The following DNAH5 variants were observed in gnomAD, a reference collection of about 807,000 sequenced individuals.
DNAH5 encodes axonemal beta dynein heavy chain 5.
Under a neutral mutation model 518.2 loss-of-function variants are expected in DNAH5, and 372 were observed. That is an observed-to-expected ratio of 0.72 (90% CI 0.66 to 0.78). DNAH5 has a LOEUF of 0.78. DNAH5 is among the 30% of genes least tolerant of loss of function. DNAH5 has a pLI of 0.00. For missense variants in DNAH5, 5,523 were observed against 5,687.0 expected (o/e 0.97, Z 0.93); for synonymous variants, 2,039 against 2,025.9 (o/e 1.01, Z -0.17).
chr5:13,829,321 AATTT>A (rs1763320534), intron 38 of DNAH5, among the ~76,000 whole-genome samples, 185 bp downstream of exon 38: 1 of 144,678 alleles, frequency 6.9e-6, no homozygotes, highest in Non-Finnish European at 1.5e-5. Context: ...TGTAAATATT[AATTT>A]ATTTAAATGT....
intron 1 of DNAH5, among the ~76,000 whole-genome samples, chr5:13,940,422 T>C (rs925818618): frequency 1.6e-4 from 24 of 152,144 alleles, no homozygotes; most frequent in Admixed American, 1.6e-3. Flanking sequence ...TATATATATA[T>C]AATATGTCAC....
intron 29 of DNAH5, 88 bp downstream of exon 29, chr5:13,862,460 G>C: frequency 8.0e-7 from 1 of 1,242,950 alleles, no homozygotes; most frequent in Non-Finnish European, 1.2e-6. Flanking sequence ...CTATATGAAG[G>C]CTATTATTGT....
At chr5:13,736,913 A>T (rs1423660775) in intron 66 of DNAH5, among the ~76,000 whole-genome samples, 1 of 152,122 alleles carries the variant, frequency 6.6e-6, no homozygotes, top group Non-Finnish European at 1.5e-5. Context: ...GTGTTACCAA[A>T]CGATAAATAA....
At chr5:13,935,122 A>C (rs114102972) in intron 1 of DNAH5, among the ~76,000 whole-genome samples, 8,506 of 152,236 alleles carry the variant, frequency 0.056, 358 homozygotes, top group African/African-American at 0.11. Flanking sequence ...TAAAAATAAA[A>C]GAAGTAGACA....
chr5:13,953,047 T>C (rs1354446330), intron 1 of DNAH5, among the ~76,000 whole-genome samples: 1 of 152,244 alleles, frequency 6.6e-6, no homozygotes, highest in Non-Finnish European at 1.5e-5. Flanking sequence ...AGAGCAAAAT[T>C]GCTATTAATA....
chr5:13,780,738 T>C (rs1431468921), intron 53 of DNAH5, 91 bp downstream of exon 53: 3 of 1,390,648 alleles, frequency 2.2e-6, no homozygotes, highest in Non-Finnish European at 3.1e-6. Context: ...TGACTCTTTA[T>C]ATGTAAGAGA....
chr5:13,937,428 C>T (rs1337515442), intron 1 of DNAH5, among the ~76,000 whole-genome samples: 2 of 150,900 alleles, frequency 1.3e-5, no homozygotes, highest in African/African-American at 2.4e-5. Flanking sequence ...GTTCTCACTG[C>T]ACTCCTGTGT....
At chr5:13,795,463 A>G (rs1413625398) in intron 47 of DNAH5, among the ~76,000 whole-genome samples, 1 of 152,228 alleles carries the variant, frequency 6.6e-6, no homozygotes, top group East Asian at 1.9e-4. Context: ...AAATGGATAA[A>G]TTCCTGGACA....
chr5:13,713,464 TATACAC>T (rs1331283443), intron 75 of DNAH5, among the ~76,000 whole-genome samples: 16 of 118,736 alleles, frequency 1.3e-4, no homozygotes, highest in African/African-American at 5.9e-4. Flanking sequence ...TATATATATA[TATACAC>T]ACACCGATAT....
intron 75 of DNAH5, 58 bp from the exon 76 acceptor site, chr5:13,708,393 C>T (rs1251500324): frequency 3.2e-6 from 5 of 1,563,412 alleles, no homozygotes; most frequent in African/African-American, 2.7e-5. Flanking sequence ...ATTTTATAGA[C>T]CTGGTGCCCT....
At chr5:14,004,222 G>T (rs1305775368) in intron 1 of DNAH5, among the ~76,000 whole-genome samples, 2 of 152,178 alleles carry the variant, frequency 1.3e-5, no homozygotes, top group Non-Finnish European at 2.9e-5. Context: ...TGGCCCAGCT[G>T]TTCCTTATCT....
At position 13,859,613 on chromosome 5, in the gene DNAH5, A is replaced by C. The variant is rs1363577204; in HGVS notation, c.4797-8T>G. 6.2e-7 allele frequency: 1 copy of C among 1,613,444 alleles called. No homozygotes were observed. Among genetic ancestry groups the C allele is most frequent in the South Asian group, 1.1e-5 (1 of 91,056 alleles). On this transcript the variant is annotated splice_polypyrimidine_tract_variant and splice_region_variant and intron_variant, in intron 29 of 78. Transcript: ENST00000265104. ...TTGAATGGCATATTGTACCTAAAAT[A>C]AGAAATAGGTTTAGGGTTTGGTTTT...
chr5:13,700,896 T>A, intron 77 of DNAH5, 25 bp from the exon 78 acceptor site: 1 of 1,609,520 alleles, frequency 6.2e-7, no homozygotes, highest in South Asian at 1.1e-5. Context: ...AAAAGATGAA[T>A]GGAGCGGTTA....
At chr5:13,939,550 T>A (rs1043895760) in intron 1 of DNAH5, among the ~76,000 whole-genome samples, 15 of 152,094 alleles carry the variant, frequency 9.9e-5, no homozygotes, top group Admixed American at 5.9e-4. Flanking sequence ...AAAGCCTCCC[T>A]CTTTGTCTTC....
rs1261230931 is a variant in DNAH5, at chr5:13,740,920, T to C, written c.11212-3425A>G. Among the ~76,000 whole-genome samples, 3 of 152,236 alleles carry C rather than the reference T, an allele frequency of 2.0e-5. No homozygotes were observed. The East Asian group carries it at 5.8e-4, about 29-fold the overall frequency. On this transcript the variant is annotated intron_variant, in intron 65 of 78. Coordinates refer to ENST00000265104, the MANE Select transcript of DNAH5 (RefSeq NM_001369.3). ...TAATACATAAATTATTTATATGTTA[T>C]GCTCCAGGGATAGTTTGGTCTGTTA...
Position 13,780,914 on chromosome 5 carries a change from C to T in DNAH5, c.8866G>A (p.Gly2956Arg), listed in dbSNP as rs760216871. ...CTCTGCTTTCCTGATCCGCCCACCCCGACCAGGAGGGCATTTCCCTGAGGA... is the reference window on the plus strand; with the variant it reads ...CTCTGCTTTCCTGATCCGCCCACCCTGACCAGGAGGGCATTTCCCTGAGGA... Reference protein sequence around the residue: ...RTPQGNALLVGVGGSGKQSLT... With the variant: ...RTPQGNALLVRVGGSGKQSLT... Residue 2956 changes from glycine (G) to arginine (R), a missense_variant, in exon 53 of 79, where the codon GGG becomes AGG. Coordinates refer to ENST00000265104, the MANE Select transcript of DNAH5 (RefSeq NM_001369.3). 6.2e-6 allele frequency: 10 copies of T among 1,613,596 alleles called. No homozygotes were observed. The highest frequency in any genetic ancestry group is 3.3e-5 in the Admixed American group (2 of 59,988).
intron 42 of DNAH5, among the ~76,000 whole-genome samples, chr5:13,815,311 A>G (rs1761307324): frequency 6.6e-6 from 1 of 152,230 alleles, no homozygotes; most frequent in Non-Finnish European, 1.5e-5. Context: ...AAAGATCTAG[A>G]GGTAGAATAT....
chr5:13,927,184 T>C (rs1209865320), intron 3 of DNAH5, among the ~76,000 whole-genome samples: 1 of 152,184 alleles, frequency 6.6e-6, no homozygotes, highest in Non-Finnish European at 1.5e-5. Context: ...ACTATGCCAG[T>C]TGAATCTATA....
At chr5:13,923,490 G>T in intron 3 of DNAH5, 50 bp from the exon 4 acceptor site, 1 of 1,604,990 alleles carries the variant, frequency 6.2e-7, no homozygotes, top group South Asian at 1.1e-5. Flanking sequence ...TGCAGTCCAT[G>T]TGGTTCCCTT....
Sources: allele counts gnomAD v4.1 joint callset (sites outside exome capture counted in the v4.1 genomes callset), GRCh38; gene constraint gnomAD v4.1.1; transcripts MANE v1.5; gene names NCBI Gene and HGNC (gene_info 2026-07-23, HGNC 2026-07-21).